The following CLEC7A variants were observed in gnomAD, a reference collection of about 807,000 sequenced individuals.
CLEC7A encodes C-type lectin domain containing 7A, also known as C-type lectin domain family 7 member A.
CLEC7A carries 25 observed loss-of-function variants against 26.9 expected under a neutral mutation model. The ratio of observed to expected loss-of-function variants is 0.93; its 90% CI spans 0.68 to 1.30. CLEC7A has a LOEUF of 1.30. Ranked by LOEUF, CLEC7A falls within the 50% of genes most tolerant of loss-of-function variation. CLEC7A has a pLI of 0.00. For synonymous variants in CLEC7A, 100 were observed against 99.5 expected, an observed-to-expected ratio of 1.01 and a Z score of -0.03; for missense variants, 275 against 286.7, an observed-to-expected ratio of 0.96 and a Z score of 0.29.
At chr12:10,119,201 A>T (rs1184739531) in intron 5 of CLEC7A, among the ~76,000 whole-genome samples, 6 of 152,250 alleles carry the variant, frequency 3.9e-5, no homozygotes, top group Non-Finnish European at 8.8e-5. Context: ...AGCAGTGTTA[A>T]TGAGTCAAGC....
intron 5 of CLEC7A, among the ~76,000 whole-genome samples, chr12:10,120,723 C>T (rs55682899): frequency 0.13 from 19,995 of 150,060 alleles, 1,772 homozygotes; most frequent in African/African-American, 0.26. Flanking sequence ...TCCCCGCGCC[C>T]GGCCCAAGGG....
Position 10,125,433 on chromosome 12 carries a change from GGGCT to G in CLEC7A, c.352_355del (p.Ser118LeufsTer20). The G allele has an allele frequency of 1.2e-6, 2 of 1,611,624 alleles. No homozygotes were observed. The highest frequency in any genetic ancestry group is 8.5e-7 in the Non-Finnish European group (1 of 1,179,450). On this transcript the variant is annotated frameshift_variant, in exon 4 of 6. Coordinates refer to ENST00000304084, the MANE Select transcript of CLEC7A (RefSeq NM_197947.3). LOFTEE classifies it high-confidence loss of function. ...ATATATAATCCAATTAGGAGGACAA[GGGCT>G]GGAAAGAACCCCTGGAAATAAAAGA...
intron 1 of CLEC7A, among the ~76,000 whole-genome samples, chr12:10,128,646 G>A (rs749392481): frequency 7.2e-5 from 11 of 151,934 alleles, no homozygotes; most frequent in East Asian, 1.9e-4. Flanking sequence ...GGATTATTGC[G>A]GGAATTAAAC....
chr12:10,128,414 GCTC>G (rs1221139940), intron 1 of CLEC7A, among the ~76,000 whole-genome samples: 3 of 152,094 alleles, frequency 2.0e-5, no homozygotes, highest in African/African-American at 7.2e-5. Flanking sequence ...ATAACTGTAT[GCTC>G]CTAATTTCAG....
At chr12:10,124,254 T>G (rs776091519) in intron 4 of CLEC7A, among the ~76,000 whole-genome samples, 4 of 152,240 alleles carry the variant, frequency 2.6e-5, no homozygotes, top group Non-Finnish European at 5.9e-5. Flanking sequence ...CCATTAACTT[T>G]AATATAAATT....
At chr12:10,119,919 A>C (rs1330041118) in intron 5 of CLEC7A, among the ~76,000 whole-genome samples, 1 of 152,184 alleles carries the variant, frequency 6.6e-6, no homozygotes, top group Non-Finnish European at 1.5e-5. Context: ...TGGTTAGTGT[A>C]TTCTGAAAGT....
At position 10,121,620 on chromosome 12, in the gene CLEC7A, G is replaced by A. The variant is rs537580529; in HGVS notation, c.611+1625C>T. 1.1e-4 allele frequency among the ~76,000 whole-genome samples: 16 copies of A among 152,256 alleles called. No homozygotes were observed. In the East Asian group the frequency reaches 1.7e-3, roughly 16 times the overall value. On this transcript the variant is annotated intron_variant, in intron 5 of 5. Coordinates refer to ENST00000304084, the MANE Select transcript of CLEC7A (RefSeq NM_197947.3). ...ATTTCTAAATAACTCCTGGGTCAAA[G>A]AGCAGCTCACAGTGGAAATCAGAAA...
intron 2 of CLEC7A, chr12:10,127,461 A>C: frequency 6.2e-7 from 1 of 1,612,568 alleles, no homozygotes; most frequent in South Asian, 1.1e-5. Context: ...GGGAGGTAGG[A>C]GAGCAATGTA....
At position 10,118,565 on chromosome 12, in the gene CLEC7A, G is replaced by A. The variant is rs1947979745; in HGVS notation, c.637C>T (p.Gln213Ter). Reference sequence around the variant, plus strand: ...ACACAATTTGGAGATGGGTTTTCTTGGGTAGCTGTGGTTCTGATCTGAAAT... The same window carrying A: ...ACACAATTTGGAGATGGGTTTTCTTAGGTAGCTGTGGTTCTGATCTGAAAT... ...NLFQIRTTAT[Q>*]ENPSPNCVWI... The change falls in exon 6 of 6, where the codon CAA becomes TAA. Residue 213 changes from glutamine (Q) to a stop codon, truncating the protein, a stop_gained. Coordinates refer to ENST00000304084, the MANE Select transcript of CLEC7A (RefSeq NM_197947.3). LOFTEE classifies it low-confidence loss of function (END_TRUNC). The A allele has an allele frequency of 6.2e-7, 1 of 1,613,396 alleles. No homozygotes were observed. The highest frequency in any genetic ancestry group is 8.5e-7 in the Non-Finnish European group (1 of 1,179,442).
intron 5 of CLEC7A, among the ~76,000 whole-genome samples, chr12:10,119,293 C>T (rs549793930): frequency 6.6e-6 from 1 of 152,326 alleles, no homozygotes; most frequent in Non-Finnish European, 1.5e-5. Flanking sequence ...CCTCTTGACC[C>T]TGAGGTTGGA....
intron 4 of CLEC7A, among the ~76,000 whole-genome samples, chr12:10,124,334 T>G (rs148168971): frequency 1.3e-5 from 2 of 152,340 alleles, no homozygotes; most frequent in African/African-American, 4.8e-5. Flanking sequence ...GTAGAAGTTA[T>G]AGACTGGTTT....
rs1255198388 is a variant in CLEC7A at position 10,123,266 on chromosome 12, C to A, written c.590G>T (p.Gly197Val). 6.2e-7 allele frequency: 1 copy of A among 1,606,204 alleles called. No homozygotes were observed. The highest frequency in any genetic ancestry group is 8.5e-7 in the Non-Finnish European group (1 of 1,172,794). The change falls in exon 5 of 6, where the codon GGA (glycine) becomes GTA (valine). Residue 197 changes from glycine to valine, a missense_variant. Coordinates refer to ENST00000304084, the MANE Select transcript of CLEC7A (RefSeq NM_197947.3). ...QTEVPWLWEDGSTFSSNLFQI... is the reference protein window; with the variant it reads ...QTEVPWLWEDVSTFSSNLFQI... ...TTACAAGTTAGAAGAGAATGTTGAT[C>A]CATCCTCCCAGAGCCATGGTACCTC... is the stretch of plus-strand genomic sequence containing the variant.
Position 10,118,136 on chromosome 12 carries a change from G to A in CLEC7A, c.*322C>T, listed in dbSNP as rs148551300. Reference sequence around the variant, plus strand: ...GAGATAGCTGCAGTGAGTCGAGATTGTGCCACTGCACTCCAGCCTGGGTAA... The same window carrying A: ...GAGATAGCTGCAGTGAGTCGAGATTATGCCACTGCACTCCAGCCTGGGTAA... On this transcript the variant is annotated 3_prime_UTR_variant, in exon 6 of 6. Transcript: ENST00000304084. The A allele has an allele frequency of 0.026, 6,254 of 242,546 alleles. 380 individuals carry two copies. The highest frequency in any genetic ancestry group is 0.13 in the African/African-American group (5,726 of 42,626). 15.0% of individuals were successfully genotyped at this position (242,546 alleles called of 1,614,324 possible).
intron 1 of CLEC7A, among the ~76,000 whole-genome samples, chr12:10,128,133 G>A (rs1176399734): frequency 6.6e-6 from 1 of 151,612 alleles, no homozygotes; most frequent in African/African-American, 2.4e-5. Flanking sequence ...AGCTACTCTG[G>A]AGGCTGTGGC....
At chr12:10,129,941 G>T in intron 1 of CLEC7A, 39 bp downstream of exon 1, 1 of 1,190,794 alleles carries the variant, frequency 8.4e-7, no homozygotes, top group Non-Finnish European at 1.2e-6. Flanking sequence ...TTTCAAACGG[G>T]AGAGCTAAAG....
intron 4 of CLEC7A, 48 bp downstream of exon 4, chr12:10,125,249 C>T (rs763633038): frequency 3.3e-5 from 50 of 1,522,042 alleles, no homozygotes; most frequent in South Asian, 9.3e-5. Context: ...CCTCTATCTT[C>T]CTTCAGGATA....
rs568588039 is a variant in CLEC7A, at chr12:10,127,319, T to C, written c.202+428A>G. The C allele has an allele frequency of 1.8e-5, 28 of 1,522,926 alleles. No individual in the cohort carries two copies. The African/African-American group carries it at 2.5e-4, about 14-fold the overall frequency. The allele number at this position is 1,522,926 out of a possible 1,614,324, so 94.3% of individuals were successfully genotyped here. A position where few individuals can be genotyped will look rare whatever the true frequency, so the allele number is the denominator to read the frequency against. On this transcript the variant is annotated intron_variant, in intron 2 of 5. Transcript: ENST00000304084. ...CCTTAAATAATGTGAATCATAAAAA[T>C]AGCTTAATGTCCATTTAGTGAATTT...
intron 2 of CLEC7A, 165 bp downstream of exon 2, chr12:10,127,582 C>T: frequency 1.0e-6 from 1 of 971,942 alleles, no homozygotes; most frequent in South Asian, 1.3e-5. Flanking sequence ...CTCTCACACC[C>T]TTTATAAGTG....
chr12:10,128,448 G>T (rs1236801257), intron 1 of CLEC7A, among the ~76,000 whole-genome samples: 1 of 152,112 alleles, frequency 6.6e-6, no homozygotes, highest in Non-Finnish European at 1.5e-5. Context: ...ACATCTACAG[G>T]TCTTGACATT....
Sources: allele counts gnomAD v4.1 joint callset (sites outside exome capture counted in the v4.1 genomes callset), GRCh38; gene constraint gnomAD v4.1.1; transcripts MANE v1.5; gene names NCBI Gene and HGNC (gene_info 2026-07-23, HGNC 2026-07-21).